The following PDZD2 variants were observed in gnomAD, a reference collection of about 807,000 sequenced individuals.
PDZD2 encodes the protein PDZ domain-containing protein 2.
PDZD2 carries 90 observed loss-of-function variants against 220.7 expected under a neutral mutation model. The observed-to-expected ratio is 0.41, with a 90% CI of 0.34 to 0.49. PDZD2 has a LOEUF of 0.49. PDZD2 is among the 20% of genes least tolerant of loss of function. The pLI is 0.28. For missense variants in PDZD2, 3,174 were observed against 3,608.5 expected, an observed-to-expected ratio of 0.88 and a Z score of 3.08; for synonymous variants, 1,375 against 1,450.5, an observed-to-expected ratio of 0.95 and a Z score of 1.18.
chr5:31,737,312 A>T (rs949432056), intron 1 of PDZD2, among the ~76,000 whole-genome samples: 4 of 151,072 alleles, frequency 2.6e-5, no homozygotes, highest in Admixed American at 6.6e-5. Context: ...AGCTGGGACT[A>T]CAGGCGCCCA....
intron 2 of PDZD2, among the ~76,000 whole-genome samples, chr5:31,946,621 G>C (rs920866195): frequency 1.1e-4 from 17 of 152,240 alleles, no homozygotes; most frequent in African/African-American, 2.6e-4. Context: ...AATCTTTACC[G>C]AACAACTGTC....
chr5:32,049,559 G>A (rs533713804), intron 8 of PDZD2, among the ~76,000 whole-genome samples: 54 of 152,300 alleles, frequency 3.5e-4, no homozygotes, highest in Non-Finnish European at 6.2e-4. Context: ...TTTACAGATG[G>A]AGCAACTGAA....
chr5:31,984,832 CAAGAA>C (rs1750590954), intron 3 of PDZD2, among the ~76,000 whole-genome samples: 3 of 152,106 alleles, frequency 2.0e-5, no homozygotes, highest in Admixed American at 1.3e-4. Context: ...TGTCTCAAAA[CAAGAA>C]AAGAAGTATC....
chr5:32,045,466 G>T (rs1439155310), intron 7 of PDZD2, among the ~76,000 whole-genome samples: 1 of 150,422 alleles, frequency 6.6e-6, no homozygotes, highest in African/African-American at 2.4e-5. Flanking sequence ...CTGTTGCCCA[G>T]GCTGGAGTGC....
At chr5:32,054,735 T>G (rs959032859) in intron 10 of PDZD2, among the ~76,000 whole-genome samples, 1 of 152,254 alleles carries the variant, frequency 6.6e-6, no homozygotes, top group Non-Finnish European at 1.5e-5. Flanking sequence ...TGCCAAGTTC[T>G]ACCTTGCAAA....
At chr5:31,950,141 G>C (rs1157928325) in intron 2 of PDZD2, among the ~76,000 whole-genome samples, 1 of 152,300 alleles carries the variant, frequency 6.6e-6, no homozygotes, top group South Asian at 2.1e-4. Flanking sequence ...ATGAACTTAA[G>C]TTGACCATCT....
At chr5:32,013,077 A>C (rs1469282580) in intron 6 of PDZD2, among the ~76,000 whole-genome samples, 1 of 152,016 alleles carries the variant, frequency 6.6e-6, no homozygotes, top group African/African-American at 2.4e-5. Context: ...TTCTTTAAGC[A>C]TATTTGTATT....
chr5:32,071,391 C>T lies in PDZD2; in HGVS notation c.2541C>T (p.Pro847=), dbSNP rs766402783. The change falls in exon 16 of 25, where the codon CCC becomes CCT. Residue 847 remains proline, a synonymous_variant. Transcript: ENST00000438447. Reference sequence around the variant, plus strand: ...GAATTTTCCCTCCAACAGGTACCCCCTTGAAGAGTCCCTCTCTTGCAAAAA... The same window carrying T: ...GAATTTTCCCTCCAACAGGTACCCCTTTGAAGAGTCCCTCTCTTGCAAAAA... ...EANSSPGLGT[P]LKSPSLAKKD... 2 of 1,609,396 alleles carry T rather than the reference C, an allele frequency of 1.2e-6. No individual in the cohort carries two copies. The highest frequency in any genetic ancestry group is 1.7e-6 in the Non-Finnish European group (2 of 1,175,712).
intron 2 of PDZD2, among the ~76,000 whole-genome samples, chr5:31,842,618 C>T (rs1246454216): frequency 6.6e-6 from 1 of 152,198 alleles, no homozygotes; most frequent in African/African-American, 2.4e-5. Context: ...TTCCCATATC[C>T]TTTTCACAGT....
At chr5:31,957,529 C>T (rs537489790) in intron 2 of PDZD2, among the ~76,000 whole-genome samples, 14 of 152,232 alleles carry the variant, frequency 9.2e-5, no homozygotes, top group Admixed American at 5.9e-4. Context: ...AATCAGAAGC[C>T]GGTACTAAGT....
At chr5:32,047,237 CAAATG>C (rs1369836038) in intron 7 of PDZD2, among the ~76,000 whole-genome samples, 1 of 115,852 alleles carries the variant, frequency 8.6e-6, no homozygotes, top group African/African-American at 2.8e-5. Flanking sequence ...TTAAAAAAAA[CAAATG>C]AATACCGTCA....
At chr5:31,887,734 C>A (rs536903035) in intron 2 of PDZD2, among the ~76,000 whole-genome samples, 18 of 152,194 alleles carry the variant, frequency 1.2e-4, no homozygotes, top group African/African-American at 4.3e-4. Context: ...AAGAATGACA[C>A]AGGCTCAAAT....
At chr5:31,948,648 A>G (rs1561162063) in intron 2 of PDZD2, among the ~76,000 whole-genome samples, 1 of 152,204 alleles carries the variant, frequency 6.6e-6, no homozygotes. Flanking sequence ...AAAATAAAAT[A>G]CGAGAAATTC....
intron 1 of PDZD2, among the ~76,000 whole-genome samples, chr5:31,759,019 G>T (rs1305375880): frequency 6.6e-6 from 1 of 151,948 alleles, no homozygotes. Context: ...CCTCACACTG[G>T]ATGAGCCATT....
intron 10 of PDZD2, among the ~76,000 whole-genome samples, chr5:32,054,869 C>G (rs1738956373): frequency 6.6e-6 from 1 of 151,972 alleles, no homozygotes; most frequent in Non-Finnish European, 1.5e-5. Flanking sequence ...TTGGAGTGAC[C>G]ATCTTAGAAA....
chr5:32,071,347 A>C, intron 15 of PDZD2, 37 bp from the exon 16 acceptor site: 2 of 1,503,134 alleles, frequency 1.3e-6, no homozygotes, highest in Non-Finnish European at 1.9e-6. Flanking sequence ...CTTGAGCTTT[A>C]TTGTTTTGAC....
intron 1 of PDZD2, chr5:31,754,517 GT>G (rs1475520418): frequency 6.6e-6 from 1 of 152,214 alleles, no homozygotes; most frequent in Non-Finnish European, 1.5e-5. Flanking sequence ...TGTGGAGAAG[GT>G]TTAATTAGGA....
intron 1 of PDZD2, among the ~76,000 whole-genome samples, chr5:31,779,722 T>C (rs2150208117): frequency 6.6e-6 from 1 of 152,240 alleles, no homozygotes; most frequent in East Asian, 1.9e-4. Context: ...TCAGTTTGTA[T>C]TTTTAGCAAT....
In PDZD2 at chr5:31,861,784, T is replaced by G. The variant is rs542656629; in HGVS notation, c.476+62060T>G. On this transcript the variant is annotated intron_variant, in intron 2 of 24. Coordinates refer to ENST00000438447, the MANE Select transcript of PDZD2 (RefSeq NM_178140.4). ...TTCCACCCTTTGTGCCTCCCAGACT[T>G]TGGGAAGTTTTGAAGATGAAACAAG... 5.9e-5 allele frequency among the ~76,000 whole-genome samples: 9 copies of G among 152,192 alleles called. No individual in the cohort carries two copies. In the East Asian group the frequency reaches 1.4e-3, roughly 23 times the overall value.
Sources: allele counts gnomAD v4.1 joint callset (sites outside exome capture counted in the v4.1 genomes callset), GRCh38; gene constraint gnomAD v4.1.1; transcripts MANE v1.5; gene names NCBI Gene and HGNC (gene_info 2026-07-23, HGNC 2026-07-21).